The following RUNX1 variants were observed in gnomAD, a reference collection of about 807,000 sequenced individuals.
RUNX1 encodes RUNX family transcription factor 1, also known as runt-related transcription factor 1.
In RUNX1, 19 loss-of-function variants were observed where a neutral mutation model predicts 42.8. The ratio of observed to expected loss-of-function variants is 0.44; its 90% CI spans 0.31 to 0.65. RUNX1 has a LOEUF of 0.65. Ranked by LOEUF, RUNX1 falls within the 30% of genes least tolerant of loss-of-function variation. The pLI is 0.07. For missense variants in RUNX1, 528 were observed against 672.0 expected (o/e 0.79, Z 2.37); for synonymous variants, 271 against 289.4 (o/e 0.94, Z 0.64).
intron 2 of RUNX1, among the ~76,000 whole-genome samples, chr21:35,030,067 G>C (rs1461826145): frequency 2.0e-5 from 3 of 152,202 alleles, no homozygotes; most frequent in Non-Finnish European, 2.9e-5. Flanking sequence ...GGTGAGGCCG[G>C]GTGCGGTGGC....
intron 2 of RUNX1, among the ~76,000 whole-genome samples, chr21:34,988,759 C>T (rs1315546312): frequency 6.6e-6 from 1 of 152,192 alleles, no homozygotes; most frequent in Non-Finnish European, 1.5e-5. Flanking sequence ...TCCTCCGGCA[C>T]CCATAATCCT....
At chr21:34,839,111 A>C (rs146646805) in intron 6 of RUNX1, among the ~76,000 whole-genome samples, 1 of 152,262 alleles carries the variant, frequency 6.6e-6, no homozygotes, top group African/African-American at 2.4e-5. Context: ...GAGAATGGCC[A>C]CAGAAATCAG....
rs111443181 is a variant in RUNX1 at position 34,850,244 on chromosome 21, A to G, written c.613+9230T>C. Among the ~76,000 whole-genome samples, 3 of 152,296 alleles carry G rather than the reference A, an allele frequency of 2.0e-5. 1 individual carries two copies. Among genetic ancestry groups the G allele is most frequent in the African/African-American group, 7.2e-5 (3 of 41,556 alleles). On this transcript the variant is annotated intron_variant, in intron 6 of 8. Coordinates refer to ENST00000675419, the MANE Select transcript of RUNX1 (RefSeq NM_001754.5). ...CATCCCCATGGGAGACGTGCACCCA[A>G]TGACAAGGCCTGACCATCTCAGACT...
chr21:35,010,920 T>C (rs2059122076), intron 2 of RUNX1, among the ~76,000 whole-genome samples: 1 of 152,226 alleles, frequency 6.6e-6, no homozygotes, highest in Non-Finnish European at 1.5e-5. Flanking sequence ...AGCCAACAAC[T>C]GTTCGAGAAT....
intron 2 of RUNX1, among the ~76,000 whole-genome samples, chr21:35,002,522 G>C (rs1389540368): frequency 6.6e-6 from 1 of 151,868 alleles, no homozygotes; most frequent in Non-Finnish European, 1.5e-5. Context: ...CCACCTCCCA[G>C]GCTCAAGCAA....
chr21:34,951,549 A>C lies in RUNX1; in HGVS notation c.59-58586T>G, dbSNP rs957424891. Among the ~76,000 whole-genome samples the C allele has an allele frequency of 3.4e-4, 52 of 152,204 alleles. 1 individual carries two copies. Among genetic ancestry groups the C allele is most frequent in the African/African-American group, 1.2e-3 (50 of 41,492 alleles). On this transcript the variant is annotated intron_variant, in intron 2 of 8. Coordinates refer to ENST00000675419, the MANE Select transcript of RUNX1 (RefSeq NM_001754.5). ...AATTTACAAGAAAAAAACAAACAAC[A>C]CCATCAAAAAGTGGGCAAAGGATAT...
intron 2 of RUNX1, among the ~76,000 whole-genome samples, chr21:35,011,421 G>T (rs777472841): frequency 1.3e-5 from 2 of 152,156 alleles, no homozygotes; most frequent in Admixed American, 6.5e-5. Flanking sequence ...TAAAGTAAAG[G>T]TTCCATCCCT....
At chr21:34,820,106 C>T (rs910545249) in intron 7 of RUNX1, among the ~76,000 whole-genome samples, 5 of 152,248 alleles carry the variant, frequency 3.3e-5, no homozygotes, top group Non-Finnish European at 4.4e-5. Context: ...CTGCTACCCA[C>T]GTGGGCTTTG....
At chr21:34,870,817 G>A in intron 5 of RUNX1, among the ~76,000 whole-genome samples, 1 of 152,090 alleles carries the variant, frequency 6.6e-6, no homozygotes. Flanking sequence ...AATTATCCAG[G>A]CGTGGTGGTG....
chr21:35,014,962 G>A (rs114999625), intron 2 of RUNX1, among the ~76,000 whole-genome samples: 3,173 of 152,336 alleles, frequency 0.021, 109 homozygotes, highest in African/African-American at 0.071. Context: ...AGCATATGCT[G>A]CACAGCCCAC....
At chr21:34,926,322 A>G (rs2058393058) in intron 2 of RUNX1, among the ~76,000 whole-genome samples, 1 of 151,782 alleles carries the variant, frequency 6.6e-6, no homozygotes, top group Non-Finnish European at 1.5e-5. Flanking sequence ...AAAAAAATAC[A>G]AAAATTAGCC....
At chr21:34,867,249 T>C (rs567216173) in intron 5 of RUNX1, among the ~76,000 whole-genome samples, 4 of 151,162 alleles carry the variant, frequency 2.6e-5, no homozygotes, top group Non-Finnish European at 4.4e-5. Context: ...ATATAAAAAA[T>C]AAAATAAAAT....
intron 7 of RUNX1, among the ~76,000 whole-genome samples, chr21:34,830,912 C>T (rs1291365529): frequency 1.3e-5 from 2 of 152,078 alleles, no homozygotes; most frequent in East Asian, 3.8e-4. Context: ...TTTTCTGTAC[C>T]AGCATCTATT....
chr21:34,846,192 GT>G (rs2057312629), intron 6 of RUNX1, among the ~76,000 whole-genome samples: 1 of 105,758 alleles, frequency 9.5e-6, no homozygotes, highest in Non-Finnish European at 2.2e-5. Flanking sequence ...GTTTAAGGAT[GT>G]CTTTTTTTTT....
At chr21:35,011,488 G>A (rs1021158010) in intron 2 of RUNX1, among the ~76,000 whole-genome samples, 1 of 152,218 alleles carries the variant, frequency 6.6e-6, no homozygotes, top group African/African-American at 2.4e-5. Context: ...GGATCAGGTG[G>A]ATCCCTCCGT....
rs2268280 is a variant in RUNX1 at position 34,843,679 on chromosome 21, G to T, written c.614-9078C>A. Among the ~76,000 whole-genome samples the T allele has an allele frequency of 9.9e-5, 15 of 150,930 alleles. No individual in the cohort carries two copies. Among genetic ancestry groups the T allele is most frequent in the African/African-American group, 3.7e-4 (15 of 40,990 alleles). On this transcript the variant is annotated intron_variant, in intron 6 of 8. Coordinates refer to ENST00000675419, the MANE Select transcript of RUNX1 (RefSeq NM_001754.5). The surrounding 1 kb of genome is among the most constrained non-coding windows in gnomAD (Gnocchi z 4.8). ...ACGCACACAGGCCTGCCCCTCCCCA[G>T]CCCCCCTGCACCATGCGCCCAAGAC...
chr21:35,011,347 C>T (rs1049394476), intron 2 of RUNX1, among the ~76,000 whole-genome samples: 3 of 152,176 alleles, frequency 2.0e-5, no homozygotes, highest in Non-Finnish European at 2.9e-5. Context: ...GAGACTCCTT[C>T]TCAAGCCCCA....
chr21:34,949,443 A>G (rs2058590135), intron 2 of RUNX1, among the ~76,000 whole-genome samples: 1 of 152,252 alleles, frequency 6.6e-6, no homozygotes, highest in African/African-American at 2.4e-5. Context: ...TTTCTGTAAT[A>G]AAAGCAGAGA....
rs1041151344 is a variant in RUNX1 at position 34,887,795 on chromosome 21, T to C, written c.98-699A>G. Reference sequence around the variant, plus strand: ...GAAATCCATTAATGTACGCTGCAGATTTTTTTAAGTAGCCTTGAAAATCAG... The same window carrying C: ...GAAATCCATTAATGTACGCTGCAGACTTTTTTAAGTAGCCTTGAAAATCAG... On this transcript the variant is annotated intron_variant, in intron 3 of 8. Transcript: ENST00000675419. The C allele has an allele frequency of 2.8e-6, 3 of 1,062,790 alleles. No individual in the cohort carries two copies. The African/African-American group carries it at 4.9e-5, about 17-fold the overall frequency. The allele number at this position is 1,062,790 out of a possible 1,614,324, so 65.8% of individuals were successfully genotyped here. A position where few individuals can be genotyped will look rare whatever the true frequency, so the allele number is the denominator to read the frequency against.
Sources: allele counts gnomAD v4.1 joint callset (sites outside exome capture counted in the v4.1 genomes callset), GRCh38; gene constraint gnomAD v4.1.1; non-coding constraint Gnocchi (gnomAD v3.1); transcripts MANE v1.5; gene names NCBI Gene and HGNC (gene_info 2026-07-23, HGNC 2026-07-21).